GAREM2: variants seen among roughly 807,000 people sequenced by gnomAD.
GAREM2 encodes the protein GRB2 associated regulator of MAPK1 subtype 2.
GAREM2 carries 30 observed loss-of-function variants against 55.6 expected under a neutral mutation model. The ratio of observed to expected loss-of-function variants is 0.54; its 90% confidence interval spans 0.40 to 0.73. The LOEUF is 0.73. Ranked by LOEUF, GAREM2 falls within the 30% of genes least tolerant of loss-of-function variation. The pLI is 0.00. For synonymous variants in GAREM2, 550 were observed against 569.1 expected (o/e 0.97, Z 0.48); for missense variants, 1,075 against 1,257.7 (o/e 0.85, Z 2.20).
At chr2:26,191,214 G>A, downstream of GAREM2, 1 of 1,603,758 alleles carries the variant, frequency 6.2e-7, no homozygotes, top group African/African-American at 1.3e-5. Context: ...CGGCAGCTGG[G>A]GTTAGTGCAC....
chr2:26,173,501 C>T (rs901719607), intron 1 of GAREM2, among the ~76,000 whole-genome samples, 169 bp downstream of exon 1: 2 of 151,546 alleles, frequency 1.3e-5, no homozygotes, highest in Non-Finnish European at 2.9e-5. Flanking sequence ...GGGGCCCACC[C>T]GCCAGGTCCG....
intron 2 of GAREM2, among the ~76,000 whole-genome samples, chr2:26,178,445 GT>G (rs1668933503): frequency 6.6e-6 from 1 of 151,926 alleles, no homozygotes; most frequent in East Asian, 1.9e-4. Context: ...TTAGCTAGGC[GT>G]GGTGGCGCAG....
intron 2 of GAREM2, among the ~76,000 whole-genome samples, 153 bp from the exon 3 acceptor site, chr2:26,182,814 C>A (rs1669096407): frequency 2.0e-5 from 3 of 152,340 alleles, no homozygotes; most frequent in Admixed American, 2.0e-4. Context: ...CCCCCTTCAG[C>A]CCATGCCAGT....
intron 1 of GAREM2, among the ~76,000 whole-genome samples, chr2:26,173,979 C>T (rs953114325): frequency 4.0e-5 from 6 of 151,758 alleles, no homozygotes; most frequent in Middle Eastern, 3.4e-3. Context: ...GATGGAACCA[C>T]GCATGGGGGC....
In GAREM2 at chr2:26,187,293, C is replaced by A. The variant is rs1574595628; in HGVS notation, c.1661C>A (p.Pro554Gln). Residue 554 changes from proline to glutamine, a missense_variant, in exon 6 of 6, where the codon CCA becomes CAA. Physicochemically the swap from Pro to Gln is moderately conservative, Grantham distance 76 (BLOSUM62 -1). Coordinates refer to ENST00000401533, the MANE Select transcript of GAREM2 (RefSeq NM_001168241.2). ...GACACCTACTCCCTCTATTGCTACC[C>A]ATGCACCTGGGGAGACTGCAAGGTG... Reference protein sequence around the residue: ...SPDTYSLYCYPCTWGDCKVGE... With the variant: ...SPDTYSLYCYQCTWGDCKVGE... The A allele has an allele frequency of 1.3e-6, 2 of 1,491,118 alleles. No homozygotes were observed. The highest frequency in any genetic ancestry group is 1.3e-5 in the South Asian group (1 of 75,172). The allele number at this position is 1,491,118 out of a possible 1,614,324, so 92.4% of individuals were successfully genotyped here.
chr2:26,197,595 G>A, the GAREM2 span: 90 of 768,590 alleles, frequency 1.2e-4, no homozygotes, highest in Non-Finnish European at 1.8e-4. Context: ...CATCCACTCC[G>A]TAATCCACTG....
At chr2:26,193,888 T>C, downstream of GAREM2, 4 of 798,954 alleles carry the variant, frequency 5.0e-6, no homozygotes, top group Non-Finnish European at 6.5e-6. Flanking sequence ...GAGTGTCACC[T>C]GACCAGGCCC....
the GAREM2 span, among the ~76,000 whole-genome samples, chr2:26,199,827 G>A: frequency 6.6e-6 from 1 of 152,158 alleles, no homozygotes; most frequent in African/African-American, 2.4e-5. Flanking sequence ...GTGGTGAGAC[G>A]ACTAAGTGAG....
In GAREM2 at chr2:26,187,591, C is replaced by A. The variant is rs1669321596; in HGVS notation, c.1959C>A (p.Thr653=). Residue 653 remains threonine, a synonymous_variant, in exon 6 of 6, where the codon ACC becomes ACA. Transcript: ENST00000401533. ...CCTTGTCTTCTGGGCCCAGAACCAC[C>A]TCGGGTCCTGTGGCTACCTCTGGCC... ...SAALSSGPRT[T]SGPVATSGPA... 9.0e-6 allele frequency: 14 copies of A among 1,549,542 alleles called. No homozygotes were observed. The highest frequency in any genetic ancestry group is 1.2e-5 in the Non-Finnish European group (14 of 1,145,904).
In GAREM2 at chr2:26,188,674, G is replaced by A. The variant is rs906383977; in HGVS notation, c.*417G>A. ...GAAGATGGCTGGTAATTTAAGCACC[G>A]ATTTCCCAAGTGCCCACTCTCCTTT... On this transcript the variant is annotated 3_prime_UTR_variant, in exon 6 of 6. Transcript: ENST00000401533. 2 of 161,112 alleles carry A rather than the reference G, an allele frequency of 1.2e-5. No homozygotes were observed. The highest frequency in any genetic ancestry group is 2.7e-5 in the Non-Finnish European group (2 of 74,330). The allele number at this position is 161,112 out of a possible 1,614,324, so 10.0% of individuals were successfully genotyped here.
intron 2 of GAREM2, chr2:26,181,002 C>G (rs1669034529): frequency 1.0e-6 from 1 of 985,448 alleles, no homozygotes; most frequent in Non-Finnish European, 1.2e-6. Context: ...CTTCTGTCAC[C>G]CAAGCCTGCT....
rs1558307624 is a variant in GAREM2 at position 26,184,291 on chromosome 2, GC to G, written c.444del (p.Asp149ThrfsTer71). 1 of 1,551,122 alleles carries G rather than the reference GC, an allele frequency of 6.4e-7. No individual in the cohort carries two copies. The highest frequency in any genetic ancestry group is 8.7e-7 in the Non-Finnish European group (1 of 1,146,856). ...SEVYNFTLHA[G>X]DELTLMGQAE... ...GTGTACAACTTCACGCTGCATGCGGGCGACGAGCTCACTCTTATGGGCCAGG... is the reference window on the plus strand; with the variant it reads ...GTGTACAACTTCACGCTGCATGCGGGGACGAGCTCACTCTTATGGGCCAGG... On this transcript the variant is annotated frameshift_variant, in exon 4 of 6. Coordinates refer to ENST00000401533, the MANE Select transcript of GAREM2 (RefSeq NM_001168241.2). LOFTEE classifies it high-confidence loss of function.
At chr2:26,190,010 T>A (rs1669442359), downstream of GAREM2, among the ~76,000 whole-genome samples, 1 of 152,248 alleles carries the variant, frequency 6.6e-6, no homozygotes, top group Admixed American at 6.5e-5. Context: ...TCAGGCTCTC[T>A]CAGACCAAAT....
At chr2:26,193,604 T>G (rs1408984132), downstream of GAREM2, 2 of 1,613,994 alleles carry the variant, frequency 1.2e-6, no homozygotes, top group South Asian at 2.2e-5. Flanking sequence ...ACCATCTGTG[T>G]CAGCAGTTCT....
At chr2:26,191,039 A>G (rs1037202569), downstream of GAREM2, 16 of 637,486 alleles carry the variant, frequency 2.5e-5, no homozygotes, top group Non-Finnish European at 4.2e-5. Context: ...AGTGGGCTCT[A>G]CCTTCCAACA....
At chr2:26,191,638 G>A (rs1463681982), downstream of GAREM2, 1 of 1,613,862 alleles carries the variant, frequency 6.2e-7, no homozygotes, top group East Asian at 2.2e-5. Context: ...GCTGCCAACA[G>A]AAAGAGATGT....
In GAREM2 at chr2:26,184,547, C is replaced by T. The variant is rs1258723328; in HGVS notation, c.699C>T (p.Cys233=). 3 of 1,547,986 alleles carry T rather than the reference C, an allele frequency of 1.9e-6. No individual in the cohort carries two copies. The highest frequency in any genetic ancestry group is 1.4e-5 in the African/African-American group (1 of 72,854). The change falls in exon 4 of 6, where the codon TGC becomes TGT. Residue 233 remains cysteine, a synonymous_variant. Coordinates refer to ENST00000401533, the MANE Select transcript of GAREM2 (RefSeq NM_001168241.2). The part of the protein sequence containing the change: ...TNESLSLPFQ[C]QGRFSTRSPL... ...AAAGCCTGAGCCTGCCCTTTCAGTG[C>T]CAGGGCCGCTTCAGCACTCGCAGCC...
At chr2:26,197,506 G>A in the GAREM2 span, among the ~76,000 whole-genome samples, 1 of 152,086 alleles carries the variant, frequency 6.6e-6, no homozygotes, top group Non-Finnish European at 1.5e-5. Context: ...GATATTTTTT[G>A]TTGTACTTAA....
Position 26,184,458 on chromosome 2 carries a change from G to C in GAREM2, c.610G>C (p.Gly204Arg), listed in dbSNP as rs1383208633. Reference sequence around the variant, plus strand: ...GGGGGCCGCGGGAGGCACTGGCGGCGGGGGCGCCAGGCCGGTCAAAGGCAA... The same window carrying C: ...GGGGGCCGCGGGAGGCACTGGCGGCCGGGGCGCCAGGCCGGTCAAAGGCAA... ...SAGAAGGTGG[G>R]GARPVKGKMP... The change falls in exon 4 of 6, where the codon GGG becomes CGG. Residue 204 changes from glycine to arginine, a missense_variant. Transcript: ENST00000401533. 6.7e-7 allele frequency: 1 copy of C among 1,491,736 alleles called. No individual in the cohort carries two copies. Among genetic ancestry groups the C allele is most frequent in the Non-Finnish European group, 8.9e-7 (1 of 1,119,996 alleles). 92.4% of individuals were successfully genotyped at this position (1,491,736 alleles called of 1,614,324 possible).
Sources: allele counts gnomAD v4.1 joint callset (sites outside exome capture counted in the v4.1 genomes callset), GRCh38; gene constraint gnomAD v4.1.1; transcripts MANE v1.5; gene names NCBI Gene and HGNC (gene_info 2026-07-23, HGNC 2026-07-21).